KIF26B: variants seen among roughly 807,000 people sequenced by gnomAD.
KIF26B encodes the protein kinesin-like protein KIF26B.
Under a neutral mutation model 151.2 loss-of-function variants are expected in KIF26B, and 63 were observed. The ratio of observed to expected loss-of-function variants is 0.42; its 90% CI spans 0.34 to 0.51. KIF26B has a LOEUF of 0.51. Ranked by LOEUF, KIF26B falls within the 20% of genes least tolerant of loss-of-function variation. The pLI is 0.07. For synonymous variants in KIF26B, 1,357 were observed against 1,262.1 expected (o/e 1.08, Z -1.59); for missense variants, 2,813 against 2,913.6 (o/e 0.97, Z 0.79).
At chr1:245,453,133 C>T (rs1659436053) in intron 4 of KIF26B, among the ~76,000 whole-genome samples, 1 of 152,088 alleles carries the variant, frequency 6.6e-6, no homozygotes, top group Non-Finnish European at 1.5e-5. Context: ...GGCCCAACTT[C>T]ATTCCTTTGC....
At chr1:245,337,142 ATTTAT>A (rs1238919988) in intron 2 of KIF26B, among the ~76,000 whole-genome samples, 1 of 49,226 alleles carries the variant, frequency 2.0e-5, no homozygotes, top group Non-Finnish European at 3.1e-5. Context: ...AGTTTTATTT[ATTTAT>A]TTATTTATTT....
intron 4 of KIF26B, among the ~76,000 whole-genome samples, chr1:245,436,119 G>A (rs1157323667): frequency 2.0e-5 from 3 of 151,678 alleles, no homozygotes; most frequent in Admixed American, 6.6e-5. Context: ...GGAGGTTGCA[G>A]TGAGCTGAGA....
At chr1:245,228,016 C>T (rs1669911791) in intron 2 of KIF26B, among the ~76,000 whole-genome samples, 3 of 152,068 alleles carry the variant, frequency 2.0e-5, no homozygotes, top group Non-Finnish European at 4.4e-5. Flanking sequence ...ACAAAACAAA[C>T]ACACTGTGGC....
chr1:245,664,335 G>T (rs1035189417), intron 10 of KIF26B, among the ~76,000 whole-genome samples: 2 of 146,740 alleles, frequency 1.4e-5, no homozygotes, highest in Admixed American at 1.4e-4. Flanking sequence ...CTCCAGCCTT[G>T]GCAACAAGAG....
At chr1:245,232,064 TG>T (rs1255485942) in intron 2 of KIF26B, among the ~76,000 whole-genome samples, 3 of 152,336 alleles carry the variant, frequency 2.0e-5, no homozygotes, top group Middle Eastern at 6.8e-3. Flanking sequence ...AAAACTACTT[TG>T]AAAGAGGGCT....
At chr1:245,554,723 G>T (rs1465081085) in intron 5 of KIF26B, among the ~76,000 whole-genome samples, 1 of 152,136 alleles carries the variant, frequency 6.6e-6, no homozygotes, top group Non-Finnish European at 1.5e-5. Flanking sequence ...TATTCATACT[G>T]CATGGTGAGG....
In KIF26B at chr1:245,695,319, C is replaced by T. The variant is rs759356519; in HGVS notation, c.5825-2787C>T. 7.8e-4 allele frequency among the ~76,000 whole-genome samples: 118 copies of T among 152,134 alleles called. 2 individuals are homozygous for T. The highest frequency in any genetic ancestry group is 3.1e-4 in the Non-Finnish European group (21 of 68,036). ...CTCCGCCCCTGAACTCCCTTCAGGC[C>T]ACTTCACTCCATTTCCTCAGCCTGA... On this transcript the variant is annotated intron_variant, in intron 12 of 14. Transcript: ENST00000407071.
At chr1:245,633,725 T>A (rs546912498) in intron 9 of KIF26B, among the ~76,000 whole-genome samples, 213 of 152,350 alleles carry the variant, frequency 1.4e-3, no homozygotes, top group Non-Finnish European at 2.3e-3. Flanking sequence ...CATCTTTTTT[T>A]AAGGATAGCT....
At chr1:245,161,918 G>T (rs2103517778) in intron 2 of KIF26B, among the ~76,000 whole-genome samples, 1 of 152,282 alleles carries the variant, frequency 6.6e-6, no homozygotes, top group African/African-American at 2.4e-5. Flanking sequence ...TTGGGGGAAA[G>T]TATGTGAGAC....
At chr1:245,584,022 G>T (rs182695031) in intron 5 of KIF26B, among the ~76,000 whole-genome samples, 174 of 152,268 alleles carry the variant, frequency 1.1e-3, no homozygotes, top group African/African-American at 4.0e-3. Flanking sequence ...TCAAGTATTT[G>T]TCCCCGCCCA....
intron 2 of KIF26B, among the ~76,000 whole-genome samples, chr1:245,190,941 C>T (rs185145680): frequency 1.3e-5 from 2 of 150,550 alleles, no homozygotes; most frequent in Admixed American, 6.6e-5. Flanking sequence ...TGCCTGTAGT[C>T]CCAGCTACTC....
intron 9 of KIF26B, among the ~76,000 whole-genome samples, chr1:245,645,379 C>T (rs1224214862): frequency 6.6e-6 from 1 of 152,190 alleles, no homozygotes; most frequent in Non-Finnish European, 1.5e-5. Context: ...ATCTCTAGAG[C>T]TCTCTCCTCT....
chr1:245,496,470 A>G lies in KIF26B; in HGVS notation c.1167-44297A>G, dbSNP rs143210379. Among the ~76,000 whole-genome samples, 14 of 152,338 alleles carry G rather than the reference A, an allele frequency of 9.2e-5. No homozygotes were observed. In the East Asian group the frequency reaches 2.7e-3, roughly 29 times the overall value. On this transcript the variant is annotated intron_variant, in intron 4 of 14. Transcript: ENST00000407071. ...AAGGGAGTTAAAGTGTAATAAAATCATAACATCTGGAAGTATTAAAACTCA... is the reference window on the plus strand; with the variant it reads ...AAGGGAGTTAAAGTGTAATAAAATCGTAACATCTGGAAGTATTAAAACTCA...
At chr1:245,521,825 G>A (rs1380118806) in intron 4 of KIF26B, among the ~76,000 whole-genome samples, 1 of 152,174 alleles carries the variant, frequency 6.6e-6, no homozygotes, top group African/African-American at 2.4e-5. Flanking sequence ...ACAGCCCATT[G>A]TAAGAAGCGG....
intron 2 of KIF26B, among the ~76,000 whole-genome samples, chr1:245,364,181 T>C (rs1264405172): frequency 6.6e-6 from 1 of 152,134 alleles, no homozygotes; most frequent in Non-Finnish European, 1.5e-5. Context: ...AAGTCTCCGC[T>C]TGTTAAATGT....
At position 245,688,352 on chromosome 1, in the gene KIF26B, A is replaced by G. The variant is rs767273137; in HGVS notation, c.5369A>G (p.Asn1790Ser). The change falls in exon 12 of 15, where the codon AAC becomes AGC. Residue 1790 changes from asparagine (N) to serine (S), a missense_variant. By Grantham distance (46) the Asn-to-Ser change is conservative (BLOSUM62 1). Around this residue, in one of 3 missense-constraint regions of KIF26B, gnomAD observed 2,060 missense variants for 2,088.6 expected, o/e 0.99. Transcript: ENST00000407071. ...TGGTCCACGCAGTCCCTCAGCAGGA[A>G]CAGGAGCTCGGGCCTGGCCTCCAAG... Reference protein sequence around the residue: ...TPWSTQSLSRNRSSGLASKLP... With the variant: ...TPWSTQSLSRSRSSGLASKLP... 1.1e-5 allele frequency: 18 copies of G among 1,574,828 alleles called. No individual in the cohort carries two copies. The South Asian group carries it at 2.1e-4, about 18-fold the overall frequency.
intron 3 of KIF26B, among the ~76,000 whole-genome samples, chr1:245,393,399 G>A (rs1345903427): frequency 6.6e-6 from 1 of 152,018 alleles, no homozygotes; most frequent in Non-Finnish European, 1.5e-5. Flanking sequence ...TTGATACTTG[G>A]TTTTGTTTCA....
intron 2 of KIF26B, among the ~76,000 whole-genome samples, chr1:245,263,668 C>T (rs1333271254): frequency 2.0e-5 from 3 of 152,106 alleles, no homozygotes; most frequent in African/African-American, 7.2e-5. Flanking sequence ...CTTCCTAGAC[C>T]CCTTGGGAGA....
Position 245,227,854 on chromosome 1 carries a change from T to G in KIF26B, c.465+71171T>G, listed in dbSNP as rs1363092914. Among the ~76,000 whole-genome samples the G allele has an allele frequency of 6.6e-6, 1 of 151,694 alleles. No individual in the cohort carries two copies. The highest frequency in any genetic ancestry group is 2.4e-5 in the African/African-American group (1 of 41,260). ...CATCTCTACTAAAAATACAAAAAATTAGCCGGGCATGGTGGCGGGCACCTG... is the reference window on the plus strand; with the variant it reads ...CATCTCTACTAAAAATACAAAAAATGAGCCGGGCATGGTGGCGGGCACCTG... On this transcript the variant is annotated intron_variant, in intron 2 of 14. Coordinates refer to ENST00000407071, the MANE Select transcript of KIF26B (RefSeq NM_018012.4). The surrounding 1 kb of genome is among the most constrained non-coding windows in gnomAD (Gnocchi z 4.1).
Sources: allele counts gnomAD v4.1 joint callset (sites outside exome capture counted in the v4.1 genomes callset), GRCh38; gene constraint gnomAD v4.1.1; regional missense constraint gnomAD v4.1.1; non-coding constraint Gnocchi (gnomAD v3.1); transcripts MANE v1.5; gene names NCBI Gene and HGNC (gene_info 2026-07-23, HGNC 2026-07-21).